The following MAP2K2 variants were observed in gnomAD, a reference collection of about 807,000 sequenced individuals.
The protein encoded by MAP2K2 is dual specificity mitogen-activated protein kinase kinase 2.
Under a neutral mutation model 43.7 loss-of-function variants are expected in MAP2K2, and 24 were observed. That is an observed-to-expected ratio of 0.55 (90% CI 0.40 to 0.77). MAP2K2 has a LOEUF of 0.77. Ranked by LOEUF, MAP2K2 falls within the 30% of genes least tolerant of loss-of-function variation. The pLI, the probability that MAP2K2 is intolerant of heterozygous loss-of-function variation, is 0.00. For missense variants in MAP2K2, 470 were observed against 566.8 expected, an observed-to-expected ratio of 0.83 and a Z score of 1.73; for synonymous variants, 244 against 239.7, an observed-to-expected ratio of 1.02 and a Z score of -0.17.
At chr19:4,121,759 GC>G (rs1188574025) in intron 1 of MAP2K2, among the ~76,000 whole-genome samples, 1 of 46,068 alleles carries the variant, frequency 2.2e-5, no homozygotes, top group African/African-American at 9.7e-5. Context: ...CCCCGCTAAA[GC>G]CCCCCCATGT....
intron 3 of MAP2K2, among the ~76,000 whole-genome samples, chr19:4,107,675 C>G (rs1408990212): frequency 6.6e-6 from 1 of 151,966 alleles, no homozygotes; most frequent in Non-Finnish European, 1.5e-5. Context: ...CCACTGCACT[C>G]CAACCTGGGT....
chr19:4,122,883 C>T (rs1197811635), intron 1 of MAP2K2, among the ~76,000 whole-genome samples: 1 of 151,718 alleles, frequency 6.6e-6, no homozygotes, highest in African/African-American at 2.4e-5. Flanking sequence ...GACCCTTACC[C>T]CGTCTTTTCC....
intron 10 of MAP2K2, among the ~76,000 whole-genome samples, chr19:4,093,380 G>C (rs1335539340): frequency 6.6e-6 from 1 of 152,032 alleles, no homozygotes; most frequent in Non-Finnish European, 1.5e-5. Flanking sequence ...CTGGGGGACA[G>C]AGCAAGGCTG....
At chr19:4,103,195 CGGG>C in intron 3 of MAP2K2, 2 of 987,840 alleles carry the variant, frequency 2.0e-6, no homozygotes, top group Non-Finnish European at 2.4e-6. Flanking sequence ...GCCACTGTGC[CGGG>C]CATCCTGCGG....
intron 3 of MAP2K2, among the ~76,000 whole-genome samples, chr19:4,108,065 C>T (rs1317338201): frequency 1.3e-5 from 2 of 152,152 alleles, no homozygotes; most frequent in African/African-American, 4.8e-5. Flanking sequence ...GCAGGCCCTT[C>T]CATGGAAACC....
In MAP2K2 at chr19:4,101,429, A is replaced by G. The variant is rs1291845220; in HGVS notation, c.529-149T>C. On this transcript the variant is annotated intron_variant, in intron 4 of 10. Transcript: ENST00000262948. The surrounding 1 kb of genome is among the most constrained non-coding windows in gnomAD (Gnocchi z 6.3). Reference sequence around the variant, plus strand: ...GGCTGTGAGGAGCTCGCTGGGGTGGAGCAAGCGAGGCCAGAGACGAGACAG... The same window carrying G: ...GGCTGTGAGGAGCTCGCTGGGGTGGGGCAAGCGAGGCCAGAGACGAGACAG... 4 of 861,314 alleles carry G rather than the reference A, an allele frequency of 4.6e-6. No individual in the cohort carries two copies. In the African/African-American group the frequency reaches 5.0e-5, roughly 11 times the overall value. 53.4% of individuals were successfully genotyped at this position (861,314 alleles called of 1,614,324 possible).
At position 4,117,301 on chromosome 19, in the gene MAP2K2, G is replaced by C. The variant is rs74172621; in HGVS notation, c.303+118C>G. ...GACCTAGAGTCCCTGGTGGGGATGA[G>C]GGACAGAGCCTGGAGCTAATCAGAA... is the stretch of plus-strand genomic sequence containing the variant. On this transcript the variant is annotated intron_variant, in intron 2 of 10. Coordinates refer to ENST00000262948, the MANE Select transcript of MAP2K2 (RefSeq NM_030662.4). The C allele has an allele frequency of 0.032, 31,814 of 999,042 alleles. 711 individuals carry two copies. The highest frequency in any genetic ancestry group is 0.04 in the Non-Finnish European group (26,549 of 665,872). The allele number at this position is 999,042 out of a possible 1,614,324, so 61.9% of individuals were successfully genotyped here. A position where few individuals can be genotyped will look rare whatever the true frequency, so the allele number is the denominator to read the frequency against.
chr19:4,094,368 AG>A (rs1395744173), intron 10 of MAP2K2, 84 bp downstream of exon 10: 8 of 1,420,060 alleles, frequency 5.6e-6, no homozygotes, highest in Non-Finnish European at 7.8e-6. Flanking sequence ...CTCCCCGGGC[AG>A]GGCCAGGCCC....
At chr19:4,123,513 A>AC (rs1376753384) in intron 1 of MAP2K2, among the ~76,000 whole-genome samples, 3 of 123,934 alleles carry the variant, frequency 2.4e-5, no homozygotes, top group Middle Eastern at 4.2e-3. Context: ...CTGCTCAAAG[A>AC]CCCCCCTGCC....
intron 2 of MAP2K2, among the ~76,000 whole-genome samples, chr19:4,113,092 G>T (rs570235393): frequency 1.4e-4 from 22 of 152,332 alleles, no homozygotes; most frequent in African/African-American, 4.8e-4. Flanking sequence ...CCACAGATGG[G>T]TGACAAGAAG....
intron 6 of MAP2K2, chr19:4,099,924 A>AC: frequency 5.3e-6 from 1 of 187,656 alleles, no homozygotes. Flanking sequence ...ATATGGCGAG[A>AC]CCCCATCTCT....
intron 10 of MAP2K2, among the ~76,000 whole-genome samples, chr19:4,091,181 C>T (rs2040851351): frequency 6.6e-6 from 1 of 152,218 alleles, no homozygotes; most frequent in Non-Finnish European, 1.5e-5. Flanking sequence ...CGGAGCAGGA[C>T]AGCCCAGGCA....
chr19:4,101,319 C>T lies in MAP2K2; in HGVS notation c.529-39G>A, dbSNP rs1182563501. 1 of 1,559,970 alleles carries T rather than the reference C, an allele frequency of 6.4e-7. No individual in the cohort carries two copies. The highest frequency in any genetic ancestry group is 8.7e-7 in the Non-Finnish European group (1 of 1,151,924). ...CGGAGGGAGTCACGGGACAAGGCCA[C>T]CAGGGCTTAGCTCCTGACCGAGCCC... On this transcript the variant is annotated intron_variant, in intron 4 of 10. Coordinates refer to ENST00000262948, the MANE Select transcript of MAP2K2 (RefSeq NM_030662.4). The surrounding 1 kb of genome is among the most constrained non-coding windows in gnomAD (Gnocchi z 6.3).
intron 3 of MAP2K2, chr19:4,102,831 T>C: frequency 3.3e-6 from 4 of 1,205,312 alleles, no homozygotes; most frequent in Non-Finnish European, 4.2e-6. Flanking sequence ...TGGGCTTGTC[T>C]GTGCGCCACG....
intron 2 of MAP2K2, among the ~76,000 whole-genome samples, chr19:4,113,115 C>CGCGTTCGGCTG (rs2041176920): frequency 6.6e-6 from 1 of 152,092 alleles, no homozygotes; most frequent in Non-Finnish European, 1.5e-5. Flanking sequence ...GGAAAGAGCG[C>CGCGTTCGGCTG]GCGTTCGGCT....
intron 1 of MAP2K2, among the ~76,000 whole-genome samples, chr19:4,120,634 A>T (rs1236952715): frequency 6.6e-6 from 1 of 152,212 alleles, no homozygotes; most frequent in Non-Finnish European, 1.5e-5. Flanking sequence ...AACACTTCTG[A>T]TGGCAGACTT....
At chr19:4,109,151 C>A (rs975975577) in intron 3 of MAP2K2, among the ~76,000 whole-genome samples, 6 of 152,196 alleles carry the variant, frequency 3.9e-5, no homozygotes, top group African/African-American at 1.4e-4. Flanking sequence ...CGACGCTGTG[C>A]GGCAGGCGGT....
At chr19:4,123,712 C>A in intron 1 of MAP2K2, 72 bp downstream of exon 1, 1 of 1,241,772 alleles carries the variant, frequency 8.1e-7, no homozygotes, top group Non-Finnish European at 1.1e-6. Context: ...CCCCCGTCCC[C>A]TCGCCCCGTC....
At chr19:4,092,965 T>C (rs1437746487) in intron 10 of MAP2K2, among the ~76,000 whole-genome samples, 6 of 152,064 alleles carry the variant, frequency 3.9e-5, no homozygotes, top group Non-Finnish European at 8.8e-5. Context: ...TCCCAGCACT[T>C]TGCGAGGCTG....
Sources: gnomAD v4.1 joint callset for allele counts (sites outside exome capture counted in the v4.1 genomes callset) on GRCh38, gnomAD v4.1.1 for gene constraint, Gnocchi (gnomAD v3.1) non-coding constraint, MANE v1.5 for transcripts, NCBI Gene and HGNC (gene_info 2026-07-23, HGNC 2026-07-21) for gene names.